CTDSP1: variants seen among roughly 807,000 people sequenced by gnomAD.
CTDSP1 encodes carboxy-terminal domain RNA polymerase II polypeptide A small phosphatase 1.
In CTDSP1, 15 loss-of-function variants were observed where a neutral mutation model predicts 32.5. The observed-to-expected ratio is 0.46, with a 90% CI of 0.31 to 0.71. The LOEUF is 0.71. Among genes scored for constraint, CTDSP1 ranks in the 30% least tolerant of loss-of-function variants. The pLI, the probability that CTDSP1 is intolerant of heterozygous loss-of-function variation, is 0.05. For synonymous variants in CTDSP1, 185 were observed against 145.4 expected, an observed-to-expected ratio of 1.27 and a Z score of -1.96; for missense variants, 294 against 351.1, an observed-to-expected ratio of 0.84 and a Z score of 1.30.
Position 218,403,027 on chromosome 2 carries a change from C to T in CTDSP1, c.379-8C>T. The T allele has an allele frequency of 1.2e-6, 2 of 1,612,100 alleles. No individual in the cohort carries two copies. Among genetic ancestry groups the T allele is most frequent in the East Asian group, 2.2e-5 (1 of 44,862 alleles). ...GGCCCGCAGCCCCCTCACTGGCCCG[C>T]CCCCCAGGTCTACGTGTTGAAGCGT... is the stretch of plus-strand genomic sequence containing the variant. On this transcript the variant is annotated splice_polypyrimidine_tract_variant and splice_region_variant and intron_variant, in intron 4 of 6. Coordinates refer to ENST00000273062, the MANE Select transcript of CTDSP1 (RefSeq NM_021198.3).
chr2:218,398,713 G>T (rs1048445430), upstream of CTDSP1: 3 of 320,112 alleles, frequency 9.4e-6, no homozygotes, highest in Middle Eastern at 8.4e-4. Context: ...GCGGGAGAGG[G>T]GGAGGGGAGG....
rs1003585231 is a variant in CTDSP1, at chr2:218,400,962, C to T, written c.68-602C>T. ...GAGGGCAAGGTGGAAAGGCTAGTTG[C>T]AGGGGGCCGGAGGGGGGTGGGGTGG... is the stretch of plus-strand genomic sequence containing the variant. On this transcript the variant is annotated intron_variant, in intron 1 of 6. Transcript: ENST00000273062. 7 of 335,332 alleles carry T rather than the reference C, an allele frequency of 2.1e-5. No individual in the cohort carries two copies. The East Asian group carries it at 6.7e-4, about 32-fold the overall frequency. The allele number at this position is 335,332 out of a possible 1,614,324, so 20.8% of individuals were successfully genotyped here.
At position 218,399,992 on chromosome 2, in the gene CTDSP1, A is replaced by ACC; in HGVS notation, c.-96_-95dup. 5.2e-6 allele frequency: 1 copy of ACC among 193,822 alleles called. No individual in the cohort carries two copies. Among genetic ancestry groups the ACC allele is most frequent in the Non-Finnish European group, 6.6e-6 (1 of 151,996 alleles). The allele number at this position is 193,822 out of a possible 1,614,324, so 12.0% of individuals were successfully genotyped here. On this transcript the variant is annotated 5_prime_UTR_variant, in exon 1 of 7. Coordinates refer to ENST00000273062, the MANE Select transcript of CTDSP1 (RefSeq NM_021198.3). ...GAGCTCGCGGGGATCCCTCCCTCCC[A>ACC]CCCCTCCCCTCCCCCCCGCGCCCCG...
chr2:218,402,959 C>A, intron 4 of CTDSP1, 76 bp from the exon 5 acceptor site: 1 of 1,099,886 alleles, frequency 9.1e-7, no homozygotes. Flanking sequence ...GCCTCCCTGG[C>A]CCATGCCCTG....
rs1697301423 is a variant in CTDSP1 at position 218,404,205 on chromosome 2, C to T, written c.658-92C>T. The T allele has an allele frequency of 1.1e-5, 16 of 1,486,252 alleles. No individual in the cohort carries two copies. In the Admixed American group the frequency reaches 1.8e-4, roughly 16 times the overall value. The allele number at this position is 1,486,252 out of a possible 1,614,324, so 92.1% of individuals were successfully genotyped here. A position where few individuals can be genotyped will look rare whatever the true frequency, so the allele number is the denominator to read the frequency against. ...GTGGGTGAGGGGTTTTCAGAAACTG[C>T]ATGATCTGAGTAGTGGCTACATAGG... On this transcript the variant is annotated intron_variant, in intron 6 of 6. Coordinates refer to ENST00000273062, the MANE Select transcript of CTDSP1 (RefSeq NM_021198.3).
chr2:218,401,715 G>T lies in CTDSP1; in HGVS notation c.216+3G>T. 6.4e-7 allele frequency: 1 copy of T among 1,563,730 alleles called. No homozygotes were observed. Among genetic ancestry groups the T allele is most frequent in the South Asian group, 1.2e-5 (1 of 83,588 alleles). ...AGGAGAATGGCGCCATCCCTAAGGTGCGTGGGGGCCAGGTGGGGCCACGGG... is the reference window on the plus strand; with the variant it reads ...AGGAGAATGGCGCCATCCCTAAGGTTCGTGGGGGCCAGGTGGGGCCACGGG... On this transcript the variant is annotated splice_donor_region_variant and intron_variant, in intron 2 of 6. Coordinates refer to ENST00000273062, the MANE Select transcript of CTDSP1 (RefSeq NM_021198.3).
chr2:218,396,753 G>A (rs1390698471), upstream of CTDSP1: 1 of 152,726 alleles, frequency 6.5e-6, no homozygotes, highest in South Asian at 2.1e-4. Flanking sequence ...GCATCTCCCA[G>A]ATCCTTTAGC....
chr2:218,403,361 C>T lies in CTDSP1; in HGVS notation c.601C>T (p.Arg201Trp). 1 of 1,613,398 alleles carries T rather than the reference C, an allele frequency of 6.2e-7. No individual in the cohort carries two copies. The highest frequency in any genetic ancestry group is 8.5e-7 in the Non-Finnish European group (1 of 1,179,754). ...DLSRLGRDLR[R>W]VLILDNSPAS... ...GAGCCGGTTGGGTCGAGACCTGCGG[C>T]GGGTGCTCATCCTGGACAATTCACC... Residue 201 changes from arginine (R) to tryptophan (W), a missense_variant, in exon 6 of 7, where the codon CGG becomes TGG. Arg to Trp is a moderately radical substitution (Grantham distance 101). Coordinates refer to ENST00000273062, the MANE Select transcript of CTDSP1 (RefSeq NM_021198.3).
chr2:218,399,760 AGCCGCGCCG>A, upstream of CTDSP1: 8 of 1,027,652 alleles, frequency 7.8e-6, no homozygotes, highest in Non-Finnish European at 9.3e-6. Context: ...CAGTCCGCCT[AGCCGCGCCG>A]GTCCCAGAAG....
chr2:218,399,862 A>T (rs550968122), upstream of CTDSP1: 2 of 1,236,844 alleles, frequency 1.6e-6, no homozygotes, highest in Non-Finnish European at 2.0e-6. Flanking sequence ...CCTGGGTTCC[A>T]TGTTTGCATC....
chr2:218,396,382 C>A (rs1460200774), upstream of CTDSP1: 2 of 152,460 alleles, frequency 1.3e-5, no homozygotes, highest in African/African-American at 4.8e-5. Context: ...CAGCCCAGGA[C>A]CTGCGGAGGG....
At chr2:218,404,185 T>G in intron 6 of CTDSP1, 112 bp from the exon 7 acceptor site, 2 of 1,330,732 alleles carry the variant, frequency 1.5e-6, no homozygotes, top group South Asian at 1.4e-5. Context: ...ACACTGTGGG[T>G]GAGGGGTTTT....
In CTDSP1 at chr2:218,405,421, T is replaced by C. The variant is rs1171502116; in HGVS notation, c.*996T>C. Reference sequence around the variant, plus strand: ...TTCAAAAAAACATTTCTTGAGCACCTTCTGTGCCCAGCATATGCTAGGCCC... The same window carrying C: ...TTCAAAAAAACATTTCTTGAGCACCCTCTGTGCCCAGCATATGCTAGGCCC... On this transcript the variant is annotated 3_prime_UTR_variant, in exon 7 of 7. Transcript: ENST00000273062. 1.3e-5 allele frequency: 2 copies of C among 152,644 alleles called. No individual in the cohort carries two copies. Among genetic ancestry groups the C allele is most frequent in the Non-Finnish European group, 2.9e-5 (2 of 68,154 alleles). 9.5% of individuals were successfully genotyped at this position (152,644 alleles called of 1,614,324 possible). A position where few individuals can be genotyped will look rare whatever the true frequency, so the allele number is the denominator to read the frequency against.
chr2:218,401,473 C>A, intron 1 of CTDSP1, 91 bp from the exon 2 acceptor site: 1 of 1,458,344 alleles, frequency 6.9e-7, no homozygotes, highest in Non-Finnish European at 9.4e-7. Context: ...CGGCAAGATC[C>A]TCCTGGCTCA....
At chr2:218,398,570 T>TTCCCCTCCCGGCCCCCGCGCGGGGCC, upstream of CTDSP1, 1 of 855,786 alleles carries the variant, frequency 1.2e-6, no homozygotes, top group Middle Eastern at 3.8e-4. Context: ...CTCCCCTCCC[T>TTCCCCTCCCGGCCCCCGCGCGGGGCC]TCCCCTCCCG....
At chr2:218,398,263 C>A (rs1014412490), upstream of CTDSP1, 6 of 720,784 alleles carry the variant, frequency 8.3e-6, no homozygotes, top group Middle Eastern at 4.7e-4. Flanking sequence ...ACCCGAAGCA[C>A]GTCGCTTCCT....
chr2:218,401,312 C>T (rs1364646284), intron 1 of CTDSP1: 1 of 555,318 alleles, frequency 1.8e-6, no homozygotes, highest in Non-Finnish European at 3.2e-6. Context: ...CCTCCTTCTC[C>T]AGGCCACGCA....
rs760339527 is a variant in CTDSP1 at position 218,404,466 on chromosome 2, C to G, written c.*41C>G. 6 of 1,607,980 alleles carry G rather than the reference C, an allele frequency of 3.7e-6. No individual in the cohort carries two copies. The highest frequency in any genetic ancestry group is 5.1e-6 in the Non-Finnish European group (6 of 1,176,234). Reference sequence around the variant, plus strand: ...CAGGACCTGCCCCTGACCAATGATACCCACACCTCCTCCCAGGAAGACTGC... The same window carrying G: ...CAGGACCTGCCCCTGACCAATGATAGCCACACCTCCTCCCAGGAAGACTGC... On this transcript the variant is annotated 3_prime_UTR_variant, in exon 7 of 7. Transcript: ENST00000273062.
Position 218,400,162 on chromosome 2 carries a change from C to T in CTDSP1, c.67+5C>T, listed in dbSNP as rs1356468304. ...GGGGCCCGCTGCGGGGCAAAGGTAC[C>T]GGGGCTGCGGGGAGGGGGCCGAAGC... On this transcript the variant is annotated splice_donor_5th_base_variant and intron_variant, in intron 1 of 6. Transcript: ENST00000273062. 2 of 1,541,790 alleles carry T rather than the reference C, an allele frequency of 1.3e-6. No homozygotes were observed. The highest frequency in any genetic ancestry group is 1.7e-6 in the Non-Finnish European group (2 of 1,144,056).
Sources: allele counts gnomAD v4.1 joint callset, GRCh38; gene constraint gnomAD v4.1.1; transcripts MANE v1.5; gene names NCBI Gene and HGNC (gene_info 2026-07-23, HGNC 2026-07-21).